PAPPA2: variants seen among roughly 807,000 people sequenced by gnomAD.
The protein encoded by PAPPA2 is pappalysin 2.
PAPPA2 carries 86 observed loss-of-function variants against 176.4 expected under a neutral mutation model. That is an observed-to-expected ratio of 0.49 (90% CI 0.41 to 0.58). The LOEUF is 0.58. PAPPA2 is among the 20% of genes least tolerant of loss of function. The pLI is 0.00. For synonymous variants in PAPPA2, 809 were observed against 852.2 expected (o/e 0.95, Z 0.88); for missense variants, 2,073 against 2,256.9 (o/e 0.92, Z 1.65).
At chr1:176,523,424 G>A (rs140202705) in intron 1 of PAPPA2, among the ~76,000 whole-genome samples, 1 of 152,318 alleles carries the variant, frequency 6.6e-6, no homozygotes, top group East Asian at 1.9e-4. Flanking sequence ...AAGTAAGACT[G>A]TGTCAAGCTT....
At chr1:176,677,904 A>G (rs545380243) in intron 4 of PAPPA2, among the ~76,000 whole-genome samples, 2 of 152,332 alleles carry the variant, frequency 1.3e-5, no homozygotes, top group East Asian at 3.9e-4. Flanking sequence ...GCACAGCATG[A>G]TTGGGAGACA....
intron 17 of PAPPA2, among the ~76,000 whole-genome samples, chr1:176,782,357 G>A (rs1664756663): frequency 6.6e-6 from 1 of 152,094 alleles, no homozygotes; most frequent in South Asian, 2.1e-4. Flanking sequence ...TTCCATGGTG[G>A]GAGCTGATGA....
intron 1 of PAPPA2, among the ~76,000 whole-genome samples, chr1:176,543,884 C>T (rs1650492165): frequency 6.6e-6 from 1 of 152,166 alleles, no homozygotes; most frequent in African/African-American, 2.4e-5. Flanking sequence ...CTCTCTTTCC[C>T]TACTTACTAG....
intron 21 of PAPPA2, among the ~76,000 whole-genome samples, chr1:176,839,116 A>C (rs1362365156): frequency 1.3e-5 from 2 of 152,272 alleles, no homozygotes; most frequent in Admixed American, 1.3e-4. Context: ...TGGCTTCAGA[A>C]CTCAAGAGTT....
intron 1 of PAPPA2, among the ~76,000 whole-genome samples, chr1:176,518,360 G>A (rs1165801616): frequency 2.6e-5 from 4 of 151,528 alleles, no homozygotes; most frequent in Non-Finnish European, 1.5e-5. Context: ...CAAATGCGAA[G>A]AGTTGATAAA....
At chr1:176,664,683 T>G (rs1658536525) in intron 3 of PAPPA2, among the ~76,000 whole-genome samples, 1 of 152,240 alleles carries the variant, frequency 6.6e-6, no homozygotes. Flanking sequence ...TTTCAGTCTC[T>G]GATTATTTCT....
intron 1 of PAPPA2, among the ~76,000 whole-genome samples, chr1:176,480,951 G>A (rs1652365393): frequency 6.6e-6 from 1 of 152,066 alleles, no homozygotes; most frequent in African/African-American, 2.4e-5. Context: ...CTGCATCTGG[G>A]AGTACTCCTC....
Position 176,594,628 on chromosome 1 carries a change from C to T in PAPPA2, c.1024C>T (p.Leu342Phe), listed in dbSNP as rs1292493998. 6.2e-7 allele frequency: 1 copy of T among 1,614,092 alleles called. No homozygotes were observed. Among genetic ancestry groups the T allele is most frequent in the Non-Finnish European group, 8.5e-7 (1 of 1,180,048 alleles). Residue 342 changes from leucine (L) to phenylalanine (F), a missense_variant, in exon 3 of 23, where the codon CTC (leucine) becomes TTC (phenylalanine). Coordinates refer to ENST00000367662, the MANE Select transcript of PAPPA2 (RefSeq NM_020318.3). The part of the protein sequence containing the change: ...GKRDARFFFS[L>F]CTDRVKKATI... ...GCGGGATGCTCGCTTCTTCTTCTCCCTCTGCACCGACCGCGTGAAGAAAGC... is the reference window on the plus strand; with the variant it reads ...GCGGGATGCTCGCTTCTTCTTCTCCTTCTGCACCGACCGCGTGAAGAAAGC...
chr1:176,796,829 TTC>T (rs1665464379), intron 20 of PAPPA2, among the ~76,000 whole-genome samples: 1 of 150,878 alleles, frequency 6.6e-6, no homozygotes, highest in Non-Finnish European at 1.5e-5. Context: ...TTCTCCCTCT[TTC>T]TCTTTCTGAC....
At chr1:176,761,844 G>C (rs1663713589) in intron 14 of PAPPA2, among the ~76,000 whole-genome samples, 1 of 152,216 alleles carries the variant, frequency 6.6e-6, no homozygotes, top group Non-Finnish European at 1.5e-5. Context: ...CTTCTCTGGG[G>C]CATTGTAAGG....
Position 176,736,655 on chromosome 1 carries a change from TAATG to T in PAPPA2, c.3799-2967_3799-2964del, listed in dbSNP as rs562293291. ...CAACTTAAAAATAAATATATTTAAA[TAATG>T]AATAATCTGAAAGGATTTCTAAATT... On this transcript the variant is annotated intron_variant, in intron 12 of 22. Transcript: ENST00000367662. Among the ~76,000 whole-genome samples the T allele has an allele frequency of 2.1e-3, 315 of 150,072 alleles. 2 individuals are homozygous for T. Among genetic ancestry groups the T allele is most frequent in the African/African-American group, 7.5e-3 (308 of 41,302 alleles).
intron 1 of PAPPA2, among the ~76,000 whole-genome samples, chr1:176,543,756 G>T (rs890954863): frequency 5.3e-5 from 8 of 152,116 alleles, no homozygotes; most frequent in Non-Finnish European, 1.0e-4. Flanking sequence ...GGACGCTGTT[G>T]CCAGCAAGGG....
intron 1 of PAPPA2, among the ~76,000 whole-genome samples, chr1:176,477,876 A>G (rs1479735790): frequency 6.6e-6 from 1 of 152,224 alleles, no homozygotes. Context: ...AAACATTGCT[A>G]TAAGGATCCC....
chr1:176,630,024 A>C (rs1656255935), intron 3 of PAPPA2, among the ~76,000 whole-genome samples: 1 of 152,072 alleles, frequency 6.6e-6, no homozygotes, highest in African/African-American at 2.4e-5. Context: ...ACACCATTGC[A>C]CTCCAGCCTG....
intron 21 of PAPPA2, among the ~76,000 whole-genome samples, chr1:176,819,828 A>T (rs1353156056): frequency 1.3e-5 from 2 of 152,234 alleles, no homozygotes; most frequent in Admixed American, 6.5e-5. Context: ...CTGCACTTTC[A>T]GTGCAGTCCA....
chr1:176,593,425 G>A lies in PAPPA2; in HGVS notation c.920-1099G>A, dbSNP rs548341528. Among the ~76,000 whole-genome samples the A allele has an allele frequency of 4.1e-4, 62 of 152,164 alleles. 1 individual carries two copies. Among genetic ancestry groups the A allele is most frequent in the Non-Finnish European group, 7.6e-4 (52 of 68,044 alleles). On this transcript the variant is annotated intron_variant, in intron 2 of 22. Coordinates refer to ENST00000367662, the MANE Select transcript of PAPPA2 (RefSeq NM_020318.3). ...TTCCATCATTTATTAATCAGTGCAA[G>A]CAATATTTATTAAGCATTTCCTATG...
intron 12 of PAPPA2, among the ~76,000 whole-genome samples, chr1:176,731,867 G>C (rs932337141): frequency 3.3e-5 from 5 of 151,892 alleles, no homozygotes; most frequent in Admixed American, 2.0e-4. Context: ...TTAAATTTTA[G>C]ATAAACAATG....
chr1:176,738,208 T>C (rs1662508329), intron 12 of PAPPA2, among the ~76,000 whole-genome samples: 1 of 152,106 alleles, frequency 6.6e-6, no homozygotes, highest in Non-Finnish European at 1.5e-5. Context: ...TTGGGTCTGG[T>C]TGTTTCTTAA....
chr1:176,599,897 G>A (rs948745956), intron 3 of PAPPA2, among the ~76,000 whole-genome samples: 1 of 152,064 alleles, frequency 6.6e-6, no homozygotes, highest in Non-Finnish European at 1.5e-5. Context: ...TTTGAAGGCA[G>A]AAACATAGAG....
Sources: allele counts gnomAD v4.1 joint callset (sites outside exome capture counted in the v4.1 genomes callset), GRCh38; gene constraint gnomAD v4.1.1; transcripts MANE v1.5; gene names NCBI Gene and HGNC (gene_info 2026-07-23, HGNC 2026-07-21).